CYP7B1: variants seen among roughly 807,000 people sequenced by gnomAD.
CYP7B1 encodes cytochrome P450 7B1.
In CYP7B1, 29 loss-of-function variants were observed where a neutral mutation model predicts 42.7. The observed-to-expected ratio is 0.68, with a 90% CI of 0.51 to 0.93. The LOEUF is 0.93. Ranked by LOEUF, CYP7B1 falls within the 40% of genes least tolerant of loss-of-function variation. The pLI is 0.00. For missense variants in CYP7B1, 655 were observed against 600.5 expected (o/e 1.09, Z -0.95); for synonymous variants, 235 against 218.2 (o/e 1.08, Z -0.68).
At chr8:64,791,417 T>G (rs1467098521) in intron 1 of CYP7B1, among the ~76,000 whole-genome samples, 3 of 152,170 alleles carry the variant, frequency 2.0e-5, no homozygotes, top group Non-Finnish European at 4.4e-5. Flanking sequence ...GAGAACATTG[T>G]CCTGGATTAT....
intron 1 of CYP7B1, among the ~76,000 whole-genome samples, chr8:64,690,345 G>A (rs890368179): frequency 6.6e-6 from 1 of 152,322 alleles, no homozygotes; most frequent in African/African-American, 2.4e-5. Flanking sequence ...TGAGGCTGCA[G>A]AAAGCTGTGA....
At chr8:64,694,537 C>G (rs948924446) in intron 1 of CYP7B1, among the ~76,000 whole-genome samples, 1 of 152,054 alleles carries the variant, frequency 6.6e-6, no homozygotes, top group Non-Finnish European at 1.5e-5. Context: ...ATGCTGGCCT[C>G]GGGACTGCCT....
chr8:64,616,816 T>A lies in CYP7B1; in HGVS notation c.260-535A>T, dbSNP rs561085364. Among the ~76,000 whole-genome samples, 13 of 152,284 alleles carry A rather than the reference T, an allele frequency of 8.5e-5. No homozygotes were observed. The South Asian group carries it at 2.7e-3, about 32-fold the overall frequency. On this transcript the variant is annotated intron_variant, in intron 2 of 5. Transcript: ENST00000310193. The stretch of plus-strand genomic sequence containing the variant: ...ATGTCTAATTCAACACTGGCAAAAA[T>A]CCACTAATGCCAGCATTTTCACTTT...
chr8:64,726,719 G>A (rs780661313), intron 1 of CYP7B1, among the ~76,000 whole-genome samples: 13 of 152,148 alleles, frequency 8.5e-5, no homozygotes, highest in Admixed American at 2.0e-4. Flanking sequence ...ACTATTATTT[G>A]GGAGAATTTC....
intron 5 of CYP7B1, 75 bp downstream of exon 5, chr8:64,604,607 G>A (rs1304092728): frequency 6.4e-7 from 1 of 1,570,120 alleles, no homozygotes; most frequent in Non-Finnish European, 8.7e-7. Flanking sequence ...GTGGCAAGAG[G>A]AAGAGATAGG....
At chr8:64,713,597 CAGATT>C (rs759311175) in intron 1 of CYP7B1, among the ~76,000 whole-genome samples, 48 of 151,958 alleles carry the variant, frequency 3.2e-4, no homozygotes, top group Non-Finnish European at 5.7e-4. Flanking sequence ...AAATTGACAG[CAGATT>C]AGATTAGATA....
At chr8:64,735,908 A>C (rs1362690692) in intron 1 of CYP7B1, among the ~76,000 whole-genome samples, 1 of 152,210 alleles carries the variant, frequency 6.6e-6, no homozygotes, top group Non-Finnish European at 1.5e-5. Flanking sequence ...TACAATACTA[A>C]TATAAGTTGT....
At chr8:64,757,292 T>G (rs906236745) in intron 1 of CYP7B1, among the ~76,000 whole-genome samples, 2 of 152,218 alleles carry the variant, frequency 1.3e-5, no homozygotes, top group African/African-American at 4.8e-5. Flanking sequence ...TACAGTCATG[T>G]GGCTAGGATT....
intron 1 of CYP7B1, among the ~76,000 whole-genome samples, chr8:64,637,096 G>T (rs914205433): frequency 6.6e-6 from 1 of 152,122 alleles, no homozygotes; most frequent in African/African-American, 2.4e-5. Context: ...ACAATATACA[G>T]ATCAATGAGA....
intron 5 of CYP7B1, among the ~76,000 whole-genome samples, chr8:64,600,245 A>G (rs1805181466): frequency 6.6e-6 from 1 of 152,190 alleles, no homozygotes. Flanking sequence ...TAGAGAAAAG[A>G]TTTTGGTATT....
chr8:64,703,176 G>A (rs1296268314), intron 1 of CYP7B1, among the ~76,000 whole-genome samples: 2 of 151,828 alleles, frequency 1.3e-5, no homozygotes, highest in Non-Finnish European at 2.9e-5. Context: ...TCAACAATAC[G>A]AAATTCTATC....
chr8:64,676,029 G>A (rs1165769129), intron 1 of CYP7B1, among the ~76,000 whole-genome samples: 1 of 152,044 alleles, frequency 6.6e-6, no homozygotes, highest in Admixed American at 6.6e-5. Flanking sequence ...CAGAGTGCAA[G>A]GAACAGCAGA....
At chr8:64,621,008 T>G (rs552057531) in intron 2 of CYP7B1, among the ~76,000 whole-genome samples, 1 of 152,334 alleles carries the variant, frequency 6.6e-6, no homozygotes, top group African/African-American at 2.4e-5. Flanking sequence ...AAAGAAAAAC[T>G]GAACATTTCA....
intron 5 of CYP7B1, among the ~76,000 whole-genome samples, chr8:64,597,795 T>TA (rs1183461970): frequency 2.0e-5 from 3 of 152,192 alleles, no homozygotes; most frequent in African/African-American, 7.2e-5. Flanking sequence ...AGCCATTGAT[T>TA]AAATTAATGT....
intron 1 of CYP7B1, among the ~76,000 whole-genome samples, chr8:64,766,603 C>T (rs1461487785): frequency 3.3e-5 from 5 of 151,950 alleles, no homozygotes; most frequent in African/African-American, 9.7e-5. Flanking sequence ...CTGGGCAACT[C>T]GAATGCCTAA....
At chr8:64,764,163 T>C (rs1004809199) in intron 1 of CYP7B1, among the ~76,000 whole-genome samples, 1 of 152,006 alleles carries the variant, frequency 6.6e-6, no homozygotes, top group African/African-American at 2.4e-5. Context: ...TGTAAATGGC[T>C]AGGAAGATTG....
chr8:64,601,373 G>C (rs1039819743), intron 5 of CYP7B1, among the ~76,000 whole-genome samples: 2 of 152,094 alleles, frequency 1.3e-5, no homozygotes, highest in Admixed American at 6.5e-5. Context: ...AATGTCTGAC[G>C]TTTTTTCCCT....
chr8:64,628,089 T>C (rs554961156), intron 1 of CYP7B1, among the ~76,000 whole-genome samples: 1 of 152,294 alleles, frequency 6.6e-6, no homozygotes, highest in East Asian at 1.9e-4. Context: ...AAAGCAATGA[T>C]GGGGAGCTAA....
At chr8:64,708,707 G>C (rs1170618087) in intron 1 of CYP7B1, among the ~76,000 whole-genome samples, 1 of 152,114 alleles carries the variant, frequency 6.6e-6, no homozygotes, top group Non-Finnish European at 1.5e-5. Context: ...ATATGGCTTA[G>C]ATATCTGCAT....
Sources: allele counts gnomAD v4.1 joint callset (sites outside exome capture counted in the v4.1 genomes callset), GRCh38; gene constraint gnomAD v4.1.1; transcripts MANE v1.5; gene names NCBI Gene and HGNC (gene_info 2026-07-23, HGNC 2026-07-21).